Variants in C4BPA observed in about 807,000 individuals in gnomAD.
The protein encoded by C4BPA is C4b-binding protein alpha chain.
C4BPA carries 31 observed loss-of-function variants against 63.7 expected under a neutral mutation model. The ratio of observed to expected loss-of-function variants is 0.49; its 90% confidence interval spans 0.37 to 0.66. The LOEUF is 0.66. Among genes scored for constraint, C4BPA ranks in the 30% least tolerant of loss-of-function variants. The pLI is 0.00. For missense variants in C4BPA, 572 were observed against 723.3 expected, an observed-to-expected ratio of 0.79 and a Z score of 2.40; for synonymous variants, 259 against 254.7, an observed-to-expected ratio of 1.02 and a Z score of -0.16.
At chr1:207,111,421 C>T (rs1187179484) in intron 1 of C4BPA, among the ~76,000 whole-genome samples, 1 of 152,154 alleles carries the variant, frequency 6.6e-6, no homozygotes, top group Non-Finnish European at 1.5e-5. Flanking sequence ...GTATAGAGCT[C>T]ATGGGACAGG....
At chr1:207,112,664 A>C (rs1375855785) in intron 1 of C4BPA, among the ~76,000 whole-genome samples, 1 of 152,162 alleles carries the variant, frequency 6.6e-6, no homozygotes, top group Non-Finnish European at 1.5e-5. Flanking sequence ...TCCCCATCTC[A>C]GACATTCAGC....
At chr1:207,111,057 T>A (rs953318694) in intron 1 of C4BPA, among the ~76,000 whole-genome samples, 1 of 152,192 alleles carries the variant, frequency 6.6e-6, no homozygotes, top group Non-Finnish European at 1.5e-5. Flanking sequence ...TCATAACATA[T>A]CTTATTGGGT....
At position 207,141,117 on chromosome 1, in the gene C4BPA, C is replaced by T; in HGVS notation, c.1285C>T (p.Pro429Ser). 7 of 1,610,570 alleles carry T rather than the reference C, an allele frequency of 4.3e-6. No homozygotes were observed. The highest frequency in any genetic ancestry group is 5.9e-6 in the Non-Finnish European group (7 of 1,178,392). The change falls in exon 10 of 12, where the codon CCT becomes TCT. Residue 429 changes from proline (P) to serine (S), a missense_variant. Physicochemically the swap from Pro to Ser is moderately conservative, Grantham distance 74. Coordinates refer to ENST00000367070, the MANE Select transcript of C4BPA (RefSeq NM_000715.4). Reference protein sequence around the residue: ...TPSCGDICNFPPKIAHGHYKQ... With the variant: ...TPSCGDICNFSPKIAHGHYKQ... ...GTCTCTCCCTCAAGTTTGCAATTTT[C>T]CTCCTAAAATTGCCCATGGGCATTA...
At chr1:207,126,299 A>G (rs1010248862) in intron 6 of C4BPA, among the ~76,000 whole-genome samples, 1 of 148,016 alleles carries the variant, frequency 6.8e-6, no homozygotes, top group Non-Finnish European at 1.5e-5. Context: ...TATATAATAT[A>G]TAATACTATT....
intron 7 of C4BPA, among the ~76,000 whole-genome samples, chr1:207,129,737 A>G (rs1572790662): frequency 6.6e-6 from 1 of 152,328 alleles, no homozygotes. Flanking sequence ...GCACTTACAT[A>G]TATTACAAAC....
chr1:207,138,210 A>C (rs774328477), intron 9 of C4BPA, among the ~76,000 whole-genome samples: 3 of 152,176 alleles, frequency 2.0e-5, no homozygotes, highest in Non-Finnish European at 2.9e-5. Flanking sequence ...GCTAAAGAAG[A>C]GGCACTCCTG....
chr1:207,107,402 A>T (rs1307520874), intron 1 of C4BPA, among the ~76,000 whole-genome samples: 2 of 152,166 alleles, frequency 1.3e-5, no homozygotes, highest in African/African-American at 4.8e-5. Flanking sequence ...TTAAAAAATT[A>T]GCTGGGTGTG....
intron 3 of C4BPA, among the ~76,000 whole-genome samples, 197 bp downstream of exon 3, chr1:207,114,482 G>GTTT (rs1684740189): frequency 1.1e-5 from 1 of 92,552 alleles, no homozygotes; most frequent in African/African-American, 4.8e-5. Context: ...AAATAACTCT[G>GTTT]TTCTTTTTTT....
Position 207,119,118 on chromosome 1 carries a change from A to G in C4BPA, c.428+3603A>G, listed in dbSNP as rs1166857683. Among the ~76,000 whole-genome samples, 2 of 49,898 alleles carry G rather than the reference A, an allele frequency of 4.0e-5. 1 individual carries two copies. The highest frequency in any genetic ancestry group is 9.3e-5 in the African/African-American group (2 of 21,456). 32.7% of individuals were successfully genotyped at this position (49,898 alleles called of 152,430 possible). ...TTCTTTCACTGCCCCTTAGCCTTCA[A>G]CTTCAAAAATGGGTATGTCCTGTAG... On this transcript the variant is annotated intron_variant, in intron 4 of 11. Transcript: ENST00000367070.
chr1:207,131,311 G>T (rs1428560181), intron 7 of C4BPA, among the ~76,000 whole-genome samples: 1 of 152,184 alleles, frequency 6.6e-6, no homozygotes, highest in Non-Finnish European at 1.5e-5. Context: ...ATTATACTTG[G>T]CACAGCACAT....
chr1:207,141,331 G>A, intron 10 of C4BPA, 55 bp downstream of exon 10: 1 of 1,370,086 alleles, frequency 7.3e-7, no homozygotes, highest in Non-Finnish European at 1.0e-6. Flanking sequence ...TGTCCTGAGA[G>A]CACTGAGAGC....
intron 4 of C4BPA, among the ~76,000 whole-genome samples, chr1:207,115,903 G>A (rs971603342): frequency 6.6e-6 from 1 of 152,170 alleles, no homozygotes; most frequent in Non-Finnish European, 1.5e-5. Flanking sequence ...ATGTTGTTGT[G>A]TAGTTGTGTC....
At chr1:207,126,112 T>TGG (rs1242429243) in intron 6 of C4BPA, among the ~76,000 whole-genome samples, 4 of 152,014 alleles carry the variant, frequency 2.6e-5, no homozygotes, top group East Asian at 1.9e-4. Flanking sequence ...ATGTTTCTGC[T>TGG]GGGTTATGTA....
intron 1 of C4BPA, among the ~76,000 whole-genome samples, chr1:207,108,937 G>A (rs1263694134): frequency 6.6e-6 from 1 of 151,948 alleles, no homozygotes; most frequent in East Asian, 1.9e-4. Flanking sequence ...TAGTCAGGCC[G>A]GTCTTGAACT....
intron 6 of C4BPA, among the ~76,000 whole-genome samples, chr1:207,124,966 C>T (rs897728695): frequency 3.3e-5 from 5 of 152,186 alleles, no homozygotes; most frequent in Non-Finnish European, 7.3e-5. Context: ...TAAGATGAAA[C>T]ACATATGCCT....
Position 207,113,169 on chromosome 1 carries a change from T to C in C4BPA, c.142+2T>C. Reference sequence around the variant, plus strand: ...CTGCTCTGTTGCCTGCTGTTCTTGGTGAGTAGTGGGAAACAAGCTCAAATC... The same window carrying C: ...CTGCTCTGTTGCCTGCTGTTCTTGGCGAGTAGTGGGAAACAAGCTCAAATC... On this transcript the variant is annotated splice_donor_variant, in intron 2 of 11. Coordinates refer to ENST00000367070, the MANE Select transcript of C4BPA (RefSeq NM_000715.4). LOFTEE classifies it high-confidence loss of function. 1 of 1,609,022 alleles carries C rather than the reference T, an allele frequency of 6.2e-7. No individual in the cohort carries two copies. The highest frequency in any genetic ancestry group is 8.5e-7 in the Non-Finnish European group (1 of 1,178,306).
chr1:207,114,159 G>T lies in C4BPA; in HGVS notation c.202G>T (p.Glu68Ter). 6.2e-7 allele frequency: 1 copy of T among 1,613,768 alleles called. No homozygotes were observed. Residue 68 changes from glutamate (E) to a stop codon, truncating the protein, a stop_gained, in exon 3 of 12, where the codon GAG becomes TAG. Transcript: ENST00000367070. LOFTEE classifies it high-confidence loss of function. ...FAAPMDITLTETRFKTGTTLK... is the reference protein window; with the variant it reads ...FAAPMDITLT ...TGCCCCGATGGATATTACGTTGACT[G>T]AGACACGCTTCAAAACTGGAACTAC... is the stretch of plus-strand genomic sequence containing the variant.
At chr1:207,113,983 G>C (rs375845776) in intron 2 of C4BPA, 117 bp from the exon 3 acceptor site, 3 of 796,994 alleles carry the variant, frequency 3.8e-6, no homozygotes, top group East Asian at 5.0e-5. Context: ...GATTTTTCTT[G>C]ACTAGAGATC....
intron 4 of C4BPA, among the ~76,000 whole-genome samples, chr1:207,116,315 G>T (rs559064340): frequency 6.6e-6 from 1 of 152,018 alleles, no homozygotes; most frequent in East Asian, 1.9e-4. Context: ...ATGTCCAGGG[G>T]ATGTTTGTAT....
Sources: allele counts gnomAD v4.1 joint callset (sites outside exome capture counted in the v4.1 genomes callset), GRCh38; gene constraint gnomAD v4.1.1; transcripts MANE v1.5; gene names NCBI Gene and HGNC (gene_info 2026-07-23, HGNC 2026-07-21).